Variants in USP32 observed in about 807,000 individuals in gnomAD.
USP32 encodes ubiquitin carboxyl-terminal hydrolase 32.
In USP32, 59 loss-of-function variants were observed where a neutral mutation model predicts 204.8. The ratio of observed to expected loss-of-function variants is 0.29; its 90% CI spans 0.23 to 0.36. The LOEUF (loss-of-function observed/expected upper bound fraction) is 0.36. Among genes scored for constraint, USP32 ranks in the 10% least tolerant of loss-of-function variants. The pLI, the probability that USP32 is intolerant of heterozygous loss-of-function variation, is 1.00. For missense variants in USP32, 1,160 were observed against 1,946.4 expected, an observed-to-expected ratio of 0.60 and a Z score of 7.60; for synonymous variants, 517 against 678.4, an observed-to-expected ratio of 0.76 and a Z score of 3.70.
chr17:60,314,225 T>G (rs993745216), intron 2 of USP32, among the ~76,000 whole-genome samples: 12 of 139,558 alleles, frequency 8.6e-5, no homozygotes, highest in African/African-American at 3.2e-4. Context: ...CACTGCAACC[T>G]CTGCCTCCCG....
intron 2 of USP32, among the ~76,000 whole-genome samples, chr17:60,340,014 C>G (rs1024715606): frequency 2.0e-5 from 3 of 152,120 alleles, no homozygotes; most frequent in African/African-American, 7.2e-5. Flanking sequence ...TATGATATCT[C>G]AAAACATTAA....
At chr17:60,203,396 C>CAAAAAAA (rs554691150) in intron 26 of USP32, among the ~76,000 whole-genome samples, 3 of 24,400 alleles carry the variant, frequency 1.2e-4, no homozygotes, top group Admixed American at 4.7e-4. Context: ...GCGAGACTGT[C>CAAAAAAA]AAAAAAAAAA....
intron 12 of USP32, among the ~76,000 whole-genome samples, chr17:60,227,970 A>G (rs2085440046): frequency 6.6e-6 from 1 of 152,174 alleles, no homozygotes; most frequent in African/African-American, 2.4e-5. Context: ...TCTATATTAC[A>G]TATGAATTTT....
chr17:60,324,417 A>T (rs1229909822), intron 2 of USP32, among the ~76,000 whole-genome samples: 2 of 152,060 alleles, frequency 1.3e-5, no homozygotes, highest in Non-Finnish European at 2.9e-5. Flanking sequence ...CTTCCACATG[A>T]GGCAGGAGAA....
intron 3 of USP32, among the ~76,000 whole-genome samples, chr17:60,299,071 G>A (rs2087507808): frequency 6.6e-6 from 1 of 152,170 alleles, no homozygotes; most frequent in African/African-American, 2.4e-5. Flanking sequence ...GTTAAGGGCT[G>A]CAGTGAGCTA....
intron 2 of USP32, among the ~76,000 whole-genome samples, chr17:60,319,971 C>G (rs957839883): frequency 6.6e-6 from 1 of 151,810 alleles, no homozygotes; most frequent in Non-Finnish European, 1.5e-5. Flanking sequence ...CCTGGTGGGC[C>G]TAGAATCAAT....
chr17:60,360,857 G>A (rs1487644045), intron 1 of USP32, among the ~76,000 whole-genome samples: 10 of 151,152 alleles, frequency 6.6e-5, no homozygotes, highest in East Asian at 2.0e-4. Context: ...GGCCGGGCGC[G>A]GTGGCTCACA....
intron 11 of USP32, among the ~76,000 whole-genome samples, chr17:60,247,592 C>T (rs2086063989): frequency 1.3e-5 from 2 of 152,148 alleles, no homozygotes; most frequent in South Asian, 4.1e-4. Context: ...AAGAGATTGT[C>T]CTTTCTCTAA....
At chr17:60,391,724 A>C (rs1598312589) in intron 1 of USP32, among the ~76,000 whole-genome samples, 158 bp downstream of exon 1, 1 of 150,422 alleles carries the variant, frequency 6.6e-6, no homozygotes, top group Non-Finnish European at 1.5e-5. Context: ...TTCCCACCCG[A>C]CCTCTCTCCT....
At chr17:60,249,526 C>A in intron 11 of USP32, 1 of 481,470 alleles carries the variant, frequency 2.1e-6, no homozygotes, top group South Asian at 3.4e-5. Flanking sequence ...CACTGTTTAC[C>A]ACCATGATGG....
Position 60,223,522 on chromosome 17 carries a change from G to C in USP32, c.1497C>G (p.Asp499Glu), listed in dbSNP as rs77792840. The part of the protein sequence containing the change: ...VCFARQHNTS[D>E]NNNQCLLGAN... ...CTCCCAGCAAACACTGGTTGTTATT[G>C]TCAGAAGTGTTATGTTGTCGAGCAA... The change falls in exon 14 of 34, where the codon GAC (aspartate) becomes GAG (glutamate). Residue 499 changes from aspartate (D) to glutamate (E), a missense_variant. Around this residue, in one of 8 missense-constraint regions of USP32, gnomAD observed 536 missense variants for 680.9 expected, o/e 0.79. Transcript: ENST00000300896. The C allele has an allele frequency of 1.2e-6, 2 of 1,613,654 alleles. No individual in the cohort carries two copies. The highest frequency in any genetic ancestry group is 2.2e-5 in the East Asian group (1 of 44,866).
At chr17:60,287,283 A>G (rs1168344422) in intron 5 of USP32, among the ~76,000 whole-genome samples, 1 of 152,126 alleles carries the variant, frequency 6.6e-6, no homozygotes, top group African/African-American at 2.4e-5. Context: ...CAAATCAGAA[A>G]ATTTTTAAAT....
At chr17:60,278,406 T>C (rs1379227760) in intron 5 of USP32, among the ~76,000 whole-genome samples, 2 of 151,818 alleles carry the variant, frequency 1.3e-5, no homozygotes, top group Non-Finnish European at 2.9e-5. Flanking sequence ...AGCACATACA[T>C]GGGTAGGCCC....
At chr17:60,399,306 G>GA (rs1025839493) in intron 1 of USP32, among the ~76,000 whole-genome samples, 11 of 152,000 alleles carry the variant, frequency 7.2e-5, no homozygotes, top group South Asian at 2.1e-4. Context: ...TTGTTCTACA[G>GA]AAAAAAAATG....
intron 2 of USP32, among the ~76,000 whole-genome samples, chr17:60,309,191 T>C (rs2087797628): frequency 6.6e-6 from 1 of 152,078 alleles, no homozygotes; most frequent in Non-Finnish European, 1.5e-5. Context: ...TCAATAAAAT[T>C]AAGAGACAAC....
chr17:60,269,408 C>G, intron 7 of USP32, 42 bp downstream of exon 7: 1 of 1,461,770 alleles, frequency 6.8e-7, no homozygotes, highest in Non-Finnish European at 9.5e-7. Context: ...GATTTTCTCT[C>G]TACATAGTTT....
At chr17:60,410,222 A>C (rs1162591837) in intron 1 of USP32, among the ~76,000 whole-genome samples, 1 of 152,130 alleles carries the variant, frequency 6.6e-6, no homozygotes, top group Non-Finnish European at 1.5e-5. Context: ...CCAGCAACAC[A>C]TAGGAAGAAA....
intron 12 of USP32, among the ~76,000 whole-genome samples, chr17:60,229,522 T>C (rs1182660357): frequency 6.6e-6 from 1 of 152,232 alleles, no homozygotes; most frequent in Non-Finnish European, 1.5e-5. Flanking sequence ...ACTTGTGTTT[T>C]AGAAGAAGAT....
upstream of USP32, among the ~76,000 whole-genome samples, chr17:60,396,396 G>A (rs2089901402): frequency 6.6e-6 from 1 of 152,084 alleles, no homozygotes; most frequent in Non-Finnish European, 1.5e-5. Context: ...TTTTGTACAA[G>A]TAATACATGC....
Sources: allele counts gnomAD v4.1 joint callset (sites outside exome capture counted in the v4.1 genomes callset), GRCh38; gene constraint gnomAD v4.1.1; regional missense constraint gnomAD v4.1.1; transcripts MANE v1.5; gene names NCBI Gene and HGNC (gene_info 2026-07-23, HGNC 2026-07-21).